The following GOLPH3 variants were observed in gnomAD, a reference collection of about 807,000 sequenced individuals.
GOLPH3 encodes the protein coat protein GPP34.
Under a neutral mutation model 28.5 loss-of-function variants are expected in GOLPH3, and 14 were observed. The observed-to-expected ratio is 0.49, with a 90% CI of 0.32 to 0.77. The LOEUF (loss-of-function observed/expected upper bound fraction) is 0.77. Ranked by LOEUF, GOLPH3 falls within the 30% of genes least tolerant of loss-of-function variation. GOLPH3 has a pLI of 0.03. For synonymous variants in GOLPH3, 158 were observed against 159.2 expected (o/e 0.99, Z 0.06); for missense variants, 350 against 393.7 (o/e 0.89, Z 0.94).
At chr5:32,167,926 T>C (rs1746751644) in intron 1 of GOLPH3, among the ~76,000 whole-genome samples, 1 of 152,014 alleles carries the variant, frequency 6.6e-6, no homozygotes, top group South Asian at 2.1e-4. Flanking sequence ...CACACTCCAG[T>C]CTGGAAGACA....
In GOLPH3 at chr5:32,126,086, C is replaced by T. The variant is rs1182071019; in HGVS notation, c.*126G>A. The T allele has an allele frequency of 1.0e-6, 1 of 956,242 alleles. No homozygotes were observed. Among genetic ancestry groups the T allele is most frequent in the Non-Finnish European group, 1.6e-6 (1 of 634,338 alleles). 59.2% of individuals were successfully genotyped at this position (956,242 alleles called of 1,614,324 possible). On this transcript the variant is annotated 3_prime_UTR_variant, in exon 4 of 4. Coordinates refer to ENST00000265070, the MANE Select transcript of GOLPH3 (RefSeq NM_022130.4). ...CACGTACAAAAAAGAAAAAGCCACCCACCATTTTGTAAAACAGAAGCCAAT... is the reference window on the plus strand; with the variant it reads ...CACGTACAAAAAAGAAAAAGCCACCTACCATTTTGTAAAACAGAAGCCAAT...
chr5:32,148,880 C>T (rs1388453270), intron 1 of GOLPH3, among the ~76,000 whole-genome samples: 2 of 152,142 alleles, frequency 1.3e-5, no homozygotes, highest in Non-Finnish European at 2.9e-5. Context: ...GAGGTTGAGG[C>T]AGGAGAACTG....
chr5:32,149,273 C>T (rs1285691693), intron 1 of GOLPH3, among the ~76,000 whole-genome samples: 3 of 152,138 alleles, frequency 2.0e-5, no homozygotes, highest in Admixed American at 6.5e-5. Flanking sequence ...GGCACATACA[C>T]GGAATAGCAT....
At chr5:32,145,751 C>A (rs1160831307) in intron 1 of GOLPH3, among the ~76,000 whole-genome samples, 1 of 152,164 alleles carries the variant, frequency 6.6e-6, no homozygotes, top group Non-Finnish European at 1.5e-5. Flanking sequence ...TAGTAACAGA[C>A]TTCAGAGATC....
At chr5:32,167,645 C>A (rs1188887893) in intron 1 of GOLPH3, among the ~76,000 whole-genome samples, 1 of 152,006 alleles carries the variant, frequency 6.6e-6, no homozygotes, top group African/African-American at 2.4e-5. Context: ...AGTATAAAAT[C>A]TTGTTGAAAA....
chr5:32,171,489 G>T (rs1746836502), intron 1 of GOLPH3, among the ~76,000 whole-genome samples: 2 of 143,476 alleles, frequency 1.4e-5, no homozygotes, highest in African/African-American at 2.5e-5. Context: ...TTATTTTTTA[G>T]TTTTTTTTTT....
At chr5:32,127,417 G>A (rs1745706752) in intron 3 of GOLPH3, among the ~76,000 whole-genome samples, 1 of 152,178 alleles carries the variant, frequency 6.6e-6, no homozygotes, top group Non-Finnish European at 1.5e-5. Flanking sequence ...ATATGTTAAA[G>A]ATCAACCACA....
chr5:32,156,568 T>C (rs1335126947), intron 1 of GOLPH3, among the ~76,000 whole-genome samples: 2 of 152,004 alleles, frequency 1.3e-5, no homozygotes, highest in Non-Finnish European at 2.9e-5. Context: ...ACCTTTTTGG[T>C]GCCAGGGACT....
intron 1 of GOLPH3, among the ~76,000 whole-genome samples, chr5:32,166,582 C>T (rs1197323734): frequency 6.6e-6 from 1 of 152,020 alleles, no homozygotes; most frequent in East Asian, 1.9e-4. Context: ...GCGAGGTGGG[C>T]GGATCACTTG....
chr5:32,137,361 A>T (rs936073304), intron 2 of GOLPH3, among the ~76,000 whole-genome samples: 8 of 151,790 alleles, frequency 5.3e-5, no homozygotes, highest in Admixed American at 2.0e-4. Context: ...CTTTTTTTTA[A>T]AAAAAGCTAC....
At chr5:32,156,482 G>T in intron 1 of GOLPH3, among the ~76,000 whole-genome samples, 1 of 150,648 alleles carries the variant, frequency 6.6e-6, no homozygotes, top group Non-Finnish European at 1.5e-5. Context: ...CAGCCTGGGT[G>T]ACAGAGCGAG....
chr5:32,143,024 G>A (rs2111857012), intron 2 of GOLPH3, among the ~76,000 whole-genome samples: 1 of 152,300 alleles, frequency 6.6e-6, no homozygotes, highest in Admixed American at 6.5e-5. Context: ...GAAAGGTGGG[G>A]AAAAGATTGA....
chr5:32,137,696 TAA>T (rs1191369100), intron 2 of GOLPH3, among the ~76,000 whole-genome samples: 1 of 152,088 alleles, frequency 6.6e-6, no homozygotes, highest in Non-Finnish European at 1.5e-5. Flanking sequence ...GAATCCATTT[TAA>T]AAGTGGAAAA....
chr5:32,174,033 ATGGC>A lies in GOLPH3; in HGVS notation c.-3_1del. 1.6e-6 allele frequency: 2 copies of A among 1,279,872 alleles called. No homozygotes were observed. The highest frequency in any genetic ancestry group is 2.0e-6 in the Non-Finnish European group (2 of 1,019,780). The allele number at this position is 1,279,872 out of a possible 1,614,324, so 79.3% of individuals were successfully genotyped here. A position where few individuals can be genotyped will look rare whatever the true frequency, so the allele number is the denominator to read the frequency against. On this transcript the variant is annotated start_lost and start_retained_variant and 5_prime_UTR_variant, in exon 1 of 4. Coordinates refer to ENST00000265070, the MANE Select transcript of GOLPH3 (RefSeq NM_022130.4). ...GGAGCTGCGCTGGGTCAGCGAGGTC[ATGGC>A]TCCCGCCGAGGCGCCGAGCCGGGCC... is the stretch of plus-strand genomic sequence containing the variant.
At chr5:32,132,051 G>A (rs1432541959) in intron 3 of GOLPH3, among the ~76,000 whole-genome samples, 1 of 152,198 alleles carries the variant, frequency 6.6e-6, no homozygotes, top group African/African-American at 2.4e-5. Flanking sequence ...AGCTACTTGG[G>A]AGGCTAAGGC....
At chr5:32,171,566 G>A (rs1259782687) in intron 1 of GOLPH3, among the ~76,000 whole-genome samples, 2 of 150,774 alleles carry the variant, frequency 1.3e-5, no homozygotes, top group Non-Finnish European at 1.5e-5. Context: ...AAACCAAAAT[G>A]TTCACTCAGG....
intron 1 of GOLPH3, among the ~76,000 whole-genome samples, chr5:32,144,642 G>A (rs759430547): frequency 7.2e-5 from 11 of 152,040 alleles, no homozygotes; most frequent in South Asian, 2.1e-4. Flanking sequence ...ACACACATGC[G>A]CCCACAAACA....
intron 1 of GOLPH3, among the ~76,000 whole-genome samples, chr5:32,170,603 A>G (rs1362214755): frequency 2.0e-5 from 3 of 152,136 alleles, no homozygotes; most frequent in African/African-American, 2.4e-5. Flanking sequence ...GAGCCTCCCA[A>G]GGGAAAAACA....
intron 1 of GOLPH3, among the ~76,000 whole-genome samples, chr5:32,163,730 A>T (rs543948322): frequency 1.3e-5 from 2 of 152,142 alleles, no homozygotes; most frequent in Non-Finnish European, 2.9e-5. Context: ...GGCACAGAGA[A>T]GCTGTTCAAT....
Sources: allele counts gnomAD v4.1 joint callset (sites outside exome capture counted in the v4.1 genomes callset), GRCh38; gene constraint gnomAD v4.1.1; transcripts MANE v1.5; gene names NCBI Gene and HGNC (gene_info 2026-07-23, HGNC 2026-07-21).